ANKS1A: variants seen among roughly 807,000 people sequenced by gnomAD.
ANKS1A encodes ankyrin repeat and sterile alpha motif domain containing 1A.
ANKS1A carries 55 observed loss-of-function variants against 120.3 expected under a neutral mutation model. The ratio of observed to expected loss-of-function variants is 0.46; its 90% CI spans 0.37 to 0.57. ANKS1A has a LOEUF of 0.57. ANKS1A is among the 20% of genes least tolerant of loss of function. The probability of loss-of-function intolerance (pLI) is 0.00; values close to 1 mark genes in which losing one functional copy is unlikely to be tolerated. For synonymous variants in ANKS1A, 590 were observed against 604.7 expected (o/e 0.98, Z 0.36); for missense variants, 1,123 against 1,480.3 (o/e 0.76, Z 3.96).
rs573742396 is a variant in ANKS1A at position 34,990,246 on chromosome 6, C to T, written c.1302+930C>T. On this transcript the variant is annotated intron_variant, in intron 9 of 23. Coordinates refer to ENST00000360359, the MANE Select transcript of ANKS1A (RefSeq NM_015245.3). ...ACAAAATGTATAAATACAAGGAAGC[C>T]CTTTTAAAAACGTAAAAGTCAGTGT... 4.5e-4 allele frequency among the ~76,000 whole-genome samples: 68 copies of T among 152,092 alleles called. 2 individuals carry two copies. Among genetic ancestry groups the T allele is most frequent in the African/African-American group, 1.6e-3 (65 of 41,472 alleles).
intron 1 of ANKS1A, among the ~76,000 whole-genome samples, chr6:34,957,509 C>T (rs1007144202): frequency 1.3e-5 from 2 of 152,204 alleles, no homozygotes; most frequent in Admixed American, 1.3e-4. Flanking sequence ...AGAGATAAAT[C>T]TCACTTTGCA....
intron 13 of ANKS1A, among the ~76,000 whole-genome samples, chr6:35,062,723 T>C (rs1484480955): frequency 6.6e-6 from 1 of 152,214 alleles, no homozygotes; most frequent in African/African-American, 2.4e-5. Flanking sequence ...TGGAAGGGAC[T>C]GTAACGCCAT....
At position 34,889,744 on chromosome 6, in the gene ANKS1A, CA is replaced by C; in HGVS notation, c.197+146del. 1 of 1,113,500 alleles carries C rather than the reference CA, an allele frequency of 9.0e-7. No individual in the cohort carries two copies. Among genetic ancestry groups the C allele is most frequent in the South Asian group, 4.6e-5 (1 of 21,976 alleles). 69.0% of individuals were successfully genotyped at this position (1,113,500 alleles called of 1,614,324 possible). A position where few individuals can be genotyped will look rare whatever the true frequency, so the allele number is the denominator to read the frequency against. On this transcript the variant is annotated intron_variant, in intron 1 of 23. Transcript: ENST00000360359. This position sits in a 1 kb window ranked among gnomAD's most constrained non-coding sequence, Gnocchi z 5.5. ...GGGGCGAGGCAGGCGGCCCGCGGGC[CA>C]GGGTACCGGAGGGCGCGCAGGTCCG...
At chr6:35,061,318 T>C (rs1217857638) in intron 13 of ANKS1A, among the ~76,000 whole-genome samples, 1 of 152,242 alleles carries the variant, frequency 6.6e-6, no homozygotes, top group East Asian at 1.9e-4. Context: ...TGGCCACCTA[T>C]GTGCTTTATG....
In ANKS1A at chr6:35,089,829, T is replaced by A. The variant is rs1028224477; in HGVS notation, c.*1220T>A. On this transcript the variant is annotated 3_prime_UTR_variant, in exon 24 of 24. Transcript: ENST00000360359. ...TGTGGATTTGAGAGGCAAAGTTGGC[T>A]CAGCTGTGTGCCCAGTTCCTCCTGT... 9.7e-7 allele frequency: 1 copy of A among 1,034,568 alleles called. No homozygotes were observed. The highest frequency in any genetic ancestry group is 3.6e-5 in the South Asian group (1 of 27,682). The allele number at this position is 1,034,568 out of a possible 1,614,324, so 64.1% of individuals were successfully genotyped here.
At chr6:35,073,525 C>T (rs1421352465) in intron 13 of ANKS1A, among the ~76,000 whole-genome samples, 1 of 152,250 alleles carries the variant, frequency 6.6e-6, no homozygotes, top group Admixed American at 6.5e-5. Flanking sequence ...GGGAGCCCTC[C>T]TGTCCCCTCT....
In ANKS1A at chr6:35,067,069, A is replaced by G. The variant is rs973423711; in HGVS notation, c.2184+6816A>G. Among the ~76,000 whole-genome samples the G allele has an allele frequency of 2.6e-5, 4 of 152,154 alleles. No individual in the cohort carries two copies. The East Asian group carries it at 7.7e-4, about 29-fold the overall frequency. Reference sequence around the variant, plus strand: ...CCCCTTTCTACCACAGCTGCTTTGCATAGTAGCTGGTACTGGGAAAGCCCT... The same window carrying G: ...CCCCTTTCTACCACAGCTGCTTTGCGTAGTAGCTGGTACTGGGAAAGCCCT... On this transcript the variant is annotated intron_variant, in intron 13 of 23. Transcript: ENST00000360359.
At chr6:35,030,367 C>T (rs114219578) in intron 11 of ANKS1A, among the ~76,000 whole-genome samples, 1 of 152,290 alleles carries the variant, frequency 6.6e-6, no homozygotes, top group Non-Finnish European at 1.5e-5. Context: ...TTACTGCTCT[C>T]TAAGATGGGG....
chr6:34,985,371 G>C (rs1004713433), intron 8 of ANKS1A, 93 bp downstream of exon 8: 1 of 1,307,032 alleles, frequency 7.7e-7, no homozygotes, highest in Non-Finnish European at 1.1e-6. Flanking sequence ...GTGATCCCTG[G>C]TGCCAGCTCA....
intron 16 of ANKS1A, 68 bp downstream of exon 16, chr6:35,079,996 C>T (rs1275961473): frequency 6.6e-7 from 1 of 1,510,804 alleles, no homozygotes; most frequent in African/African-American, 1.4e-5. Flanking sequence ...ACATAGAATT[C>T]TTTAGGATTC....
chr6:34,903,737 G>A lies in ANKS1A; in HGVS notation c.197+14138G>A, dbSNP rs151154280. On this transcript the variant is annotated intron_variant, in intron 1 of 23. Coordinates refer to ENST00000360359, the MANE Select transcript of ANKS1A (RefSeq NM_015245.3). ...TCACCATGTTGGCCAGGATGGTCTC[G>A]ATCTCCTGACCTTGTGAGCCACCCG... is the stretch of plus-strand genomic sequence containing the variant. 4.6e-3 allele frequency among the ~76,000 whole-genome samples: 702 copies of A among 152,210 alleles called. 4 individuals are homozygous for A. Among genetic ancestry groups the A allele is most frequent in the African/African-American group, 0.015 (632 of 41,538 alleles).
intron 11 of ANKS1A, among the ~76,000 whole-genome samples, chr6:35,022,690 C>T (rs1038998138): frequency 1.3e-5 from 2 of 152,054 alleles, no homozygotes; most frequent in African/African-American, 2.4e-5. Flanking sequence ...AGAAGGTGTA[C>T]GTAAATAAAA....
rs1768952029 is a variant in ANKS1A at position 34,930,980 on chromosome 6, G to A, written c.198-36259G>A. ...CAACCTCTGCCCCCTGGGTTCAAGC[G>A]ATTCTCCCGCCTCAGCCTCCTGAGT... On this transcript the variant is annotated intron_variant, in intron 1 of 23. Transcript: ENST00000360359. Among the ~76,000 whole-genome samples the A allele has an allele frequency of 2.6e-5, 4 of 151,252 alleles. No individual in the cohort carries two copies. The South Asian group carries it at 8.3e-4, about 32-fold the overall frequency.
chr6:34,920,127 G>C (rs1334201877), intron 1 of ANKS1A, among the ~76,000 whole-genome samples: 1 of 152,072 alleles, frequency 6.6e-6, no homozygotes, highest in Non-Finnish European at 1.5e-5. Flanking sequence ...TTATTGATGA[G>C]TGGGTCTGCT....
At chr6:34,934,041 CTTTGT>C (rs1769126845) in intron 1 of ANKS1A, among the ~76,000 whole-genome samples, 1 of 152,102 alleles carries the variant, frequency 6.6e-6, no homozygotes. Context: ...GAATTAAAAG[CTTTGT>C]TTTTTCTCTT....
intron 13 of ANKS1A, among the ~76,000 whole-genome samples, chr6:35,075,447 G>A (rs1319691888): frequency 4.6e-4 from 63 of 136,834 alleles, no homozygotes; most frequent in Admixed American, 8.8e-4. Flanking sequence ...ATGGAGTCTC[G>A]TTCTGTCACC....
downstream of ANKS1A, among the ~76,000 whole-genome samples, chr6:35,095,575 AGGAAAGACG>A (rs1778440750): frequency 2.1e-5 from 3 of 145,470 alleles, no homozygotes; most frequent in Non-Finnish European, 3.0e-5. Context: ...AAAAAAAAAA[AGGAAAGACG>A]AAAGAAAGAG....
rs769054409 is a variant in ANKS1A at position 34,889,316 on chromosome 6, G to C, written c.-87G>C. The C allele has an allele frequency of 1.1e-5, 14 of 1,224,672 alleles. No homozygotes were observed. Among genetic ancestry groups the C allele is most frequent in the Non-Finnish European group, 1.4e-5 (14 of 983,702 alleles). 75.9% of individuals were successfully genotyped at this position (1,224,672 alleles called of 1,614,324 possible). A position where few individuals can be genotyped will look rare whatever the true frequency, so the allele number is the denominator to read the frequency against. ...GGTGTCCCCAGCCGGTTTGGGGGGT[G>C]CGTTGCCCGGAGACGGAAAGTTTGG... On this transcript the variant is annotated 5_prime_UTR_variant, in exon 1 of 24. Coordinates refer to ENST00000360359, the MANE Select transcript of ANKS1A (RefSeq NM_015245.3). The surrounding 1 kb of genome is among the most constrained non-coding windows in gnomAD (Gnocchi z 5.5).
chr6:34,910,697 C>T lies in ANKS1A; in HGVS notation c.197+21098C>T, dbSNP rs760567378. Among the ~76,000 whole-genome samples the T allele has an allele frequency of 4.9e-4, 75 of 151,854 alleles. 2 individuals carry two copies. Among genetic ancestry groups the T allele is most frequent in the Non-Finnish European group, 1.6e-4 (11 of 67,964 alleles). On this transcript the variant is annotated intron_variant, in intron 1 of 23. Coordinates refer to ENST00000360359, the MANE Select transcript of ANKS1A (RefSeq NM_015245.3). ...CCAACATGGTGAAACCTCGTCTCTA[C>T]TAAAAATACAAAAAATTACCCAGGC...
Sources: allele counts gnomAD v4.1 joint callset (sites outside exome capture counted in the v4.1 genomes callset), GRCh38; gene constraint gnomAD v4.1.1; non-coding constraint Gnocchi (gnomAD v3.1); transcripts MANE v1.5; gene names NCBI Gene and HGNC (gene_info 2026-07-23, HGNC 2026-07-21).